Variants in CDC42SE2 observed in about 807,000 individuals in gnomAD.
CDC42SE2 encodes the protein CDC42 small effector 2.
In CDC42SE2, 3 loss-of-function variants were observed where a neutral mutation model predicts 11.5. The observed-to-expected ratio is 0.26, with a 90% CI of 0.12 to 0.67. The LOEUF is 0.67. CDC42SE2 is among the 30% of genes least tolerant of loss of function. The pLI is 0.80. For missense variants in CDC42SE2, 82 were observed against 106.8 expected, an observed-to-expected ratio of 0.77 and a Z score of 1.02; for synonymous variants, 33 against 34.8, an observed-to-expected ratio of 0.95 and a Z score of 0.18.
chr5:131,280,811 T>C (rs148333467), intron 1 of CDC42SE2, among the ~76,000 whole-genome samples: 184 of 152,334 alleles, frequency 1.2e-3, no homozygotes, highest in African/African-American at 4.3e-3. Flanking sequence ...CTGTGTTTTA[T>C]TGAAGGCCTT....
intron 1 of CDC42SE2, among the ~76,000 whole-genome samples, chr5:131,282,541 C>T (rs916423542): frequency 4.6e-5 from 7 of 151,436 alleles, no homozygotes; most frequent in Non-Finnish European, 7.4e-5. Flanking sequence ...AGGAAGTAAC[C>T]TTTTTTTTTC....
At chr5:131,273,791 T>C (rs1757044946) in intron 1 of CDC42SE2, among the ~76,000 whole-genome samples, 1 of 151,882 alleles carries the variant, frequency 6.6e-6, no homozygotes, top group Non-Finnish European at 1.5e-5. Context: ...AAAGTTTTTT[T>C]TTCTTGAGGC....
intron 2 of CDC42SE2, among the ~76,000 whole-genome samples, chr5:131,356,234 C>G (rs1749539823): frequency 6.6e-6 from 1 of 152,152 alleles, no homozygotes; most frequent in Non-Finnish European, 1.5e-5. Flanking sequence ...GACTCTCCTT[C>G]TGTTATCTAA....
the CDC42SE2 span, among the ~76,000 whole-genome samples, chr5:131,211,958 T>G: frequency 2.6e-5 from 4 of 151,324 alleles, no homozygotes; most frequent in Non-Finnish European, 4.4e-5. Context: ...GACTTCACAG[T>G]GAGCCATGAT....
chr5:131,271,110 A>T (rs897648288), intron 1 of CDC42SE2, among the ~76,000 whole-genome samples: 4 of 152,184 alleles, frequency 2.6e-5, no homozygotes, highest in African/African-American at 9.7e-5. Context: ...AATTCCTGTG[A>T]TACAGTTCTC....
chr5:131,389,951 C>T (rs1201022431), intron 4 of CDC42SE2, among the ~76,000 whole-genome samples: 2 of 152,156 alleles, frequency 1.3e-5, no homozygotes, highest in African/African-American at 4.8e-5. Context: ...TGAACTAAGA[C>T]TGGAATAATA....
At chr5:131,310,770 G>C (rs1437242365) in intron 1 of CDC42SE2, among the ~76,000 whole-genome samples, 53 of 151,950 alleles carry the variant, frequency 3.5e-4, no homozygotes, top group African/African-American at 1.2e-3. Flanking sequence ...TGCAACCCCT[G>C]CCTTTTTTTG....
At chr5:131,215,952 G>T in the CDC42SE2 span, among the ~76,000 whole-genome samples, 1 of 152,214 alleles carries the variant, frequency 6.6e-6, no homozygotes, top group East Asian at 1.9e-4. Context: ...GACAATAAAT[G>T]AGGGAAGCTG....
chr5:131,243,535 G>A (rs946036364), upstream of CDC42SE2, among the ~76,000 whole-genome samples: 2 of 152,158 alleles, frequency 1.3e-5, no homozygotes, highest in African/African-American at 2.4e-5. Flanking sequence ...GCTGTGAGCC[G>A]AGATCGCGCC....
At chr5:131,334,076 T>G (rs892396488) in intron 2 of CDC42SE2, among the ~76,000 whole-genome samples, 2 of 152,122 alleles carry the variant, frequency 1.3e-5, no homozygotes, top group Non-Finnish European at 2.9e-5. Flanking sequence ...TTTTTATCCA[T>G]TCAGTATGAT....
intron 1 of CDC42SE2, among the ~76,000 whole-genome samples, chr5:131,288,032 C>G (rs2149707165): frequency 6.6e-6 from 1 of 151,984 alleles, no homozygotes; most frequent in Non-Finnish European, 1.5e-5. Context: ...TCGCATGAGC[C>G]CAGGAGTTTG....
At chr5:131,342,272 C>A (rs1193678295) in intron 2 of CDC42SE2, among the ~76,000 whole-genome samples, 3 of 40,502 alleles carry the variant, frequency 7.4e-5, no homozygotes, top group Non-Finnish European at 1.4e-4. Flanking sequence ...GAGTAAGACT[C>A]CTTCTCAAAA....
the CDC42SE2 span, among the ~76,000 whole-genome samples, chr5:131,214,701 C>A: frequency 5.9e-5 from 9 of 152,108 alleles, no homozygotes; most frequent in Non-Finnish European, 1.0e-4. Context: ...CTGAAATAGC[C>A]TTCAGAATTG....
the CDC42SE2 span, among the ~76,000 whole-genome samples, chr5:131,235,637 C>T: frequency 6.6e-6 from 1 of 151,554 alleles, no homozygotes; most frequent in Non-Finnish European, 1.5e-5. Flanking sequence ...CTGTGTCACT[C>T]AGGCTGGAGT....
intron 2 of CDC42SE2, among the ~76,000 whole-genome samples, chr5:131,323,571 TTTG>T (rs1341814308): frequency 0.02 from 2,908 of 144,262 alleles, 54 homozygotes; most frequent in African/African-American, 0.061. Flanking sequence ...TTTTTTTTTT[TTTG>T]TATTTAAATG....
At chr5:131,212,601 G>A in the CDC42SE2 span, among the ~76,000 whole-genome samples, 2,930 of 152,226 alleles carry the variant, frequency 0.019, 95 homozygotes, top group African/African-American at 0.066. Context: ...ATGTGTAGCT[G>A]TTAGGGTTTA....
chr5:131,255,810 T>A (rs771126494), intron 2 of CDC42SE2, among the ~76,000 whole-genome samples: 1 of 152,164 alleles, frequency 6.6e-6, no homozygotes, highest in Non-Finnish European at 1.5e-5. Flanking sequence ...ACTATAATAA[T>A]GGAGGCAACT....
intron 2 of CDC42SE2, among the ~76,000 whole-genome samples, chr5:131,346,442 A>G (rs1267981789): frequency 6.6e-6 from 1 of 152,228 alleles, no homozygotes; most frequent in Non-Finnish European, 1.5e-5. Context: ...CAATTCAACA[A>G]AAAGAGCTAA....
intron 1 of CDC42SE2, among the ~76,000 whole-genome samples, chr5:131,286,071 G>C (rs1178361748): frequency 6.7e-6 from 1 of 148,784 alleles, no homozygotes; most frequent in East Asian, 2.0e-4. Flanking sequence ...TTTTTGGTTG[G>C]GGGGACAGGG....
Sources: allele counts gnomAD v4.1 joint callset (sites outside exome capture counted in the v4.1 genomes callset), GRCh38; gene constraint gnomAD v4.1.1; transcripts MANE v1.5; gene names NCBI Gene and HGNC (gene_info 2026-07-23, HGNC 2026-07-21).